BTG3: variants seen among roughly 807,000 people sequenced by gnomAD.
The protein encoded by BTG3 is protein BTG3.
A neutral mutation model predicts 25.8 loss-of-function variants in BTG3; 4 were observed. The observed-to-expected ratio is 0.16, with a 90% confidence interval of 0.08 to 0.36. The LOEUF is 0.36. Among genes scored for constraint, BTG3 ranks in the 10% least tolerant of loss-of-function variants. The pLI is 1.00. For missense variants in BTG3, 201 were observed against 304.9 expected, an observed-to-expected ratio of 0.66 and a Z score of 2.54; for synonymous variants, 107 against 99.9, an observed-to-expected ratio of 1.07 and a Z score of -0.42.
Position 17,594,326 on chromosome 21 carries a change from C to T in BTG3, c.526G>A (p.Glu176Lys). 3 of 1,612,594 alleles carry T rather than the reference C, an allele frequency of 1.9e-6. No homozygotes were observed. Among genetic ancestry groups the T allele is most frequent in the Non-Finnish European group, 1.7e-6 (2 of 1,179,096 alleles). The change falls in exon 5 of 5, where the codon GAA becomes AAA. Residue 176 changes from glutamate to lysine, a missense_variant. Around this residue, in one of 2 missense-constraint regions of BTG3, gnomAD observed 131 missense variants for 129.3 expected, o/e 1.01. Coordinates refer to ENST00000348354, the MANE Select transcript of BTG3 (RefSeq NM_006806.5). The stretch of plus-strand genomic sequence containing the variant: ...ATTGGAAGAGGTGGAAATATAAGTT[C>T]TGAAATCTGTAGGGAAGAGAACACA... ...AAASPVYQIS[E>K]LIFPPLPMWH...
rs558546449 is a variant in BTG3 at position 17,605,543 on chromosome 21, T to C, written c.174-546A>G. On this transcript the variant is annotated intron_variant, in intron 2 of 4. Coordinates refer to ENST00000348354, the MANE Select transcript of BTG3 (RefSeq NM_006806.5). Reference sequence around the variant, plus strand: ...AGGACACAGATTCATTCATATCATATACTTATGATTAAAATACCTAACTAA... The same window carrying C: ...AGGACACAGATTCATTCATATCATACACTTATGATTAAAATACCTAACTAA... Among the ~76,000 whole-genome samples, 13 of 152,320 alleles carry C rather than the reference T, an allele frequency of 8.5e-5. No homozygotes were observed. In the South Asian group the frequency reaches 2.7e-3, roughly 32 times the overall value.
rs2061683192 is a variant in BTG3 at position 17,608,964 on chromosome 21, T to C, written c.173+8A>G. ...TCAGCCTCTGCTTAATCCAATCTAA[T>C]CCTTTACCTGTAGGCCTGTCCTTTC... On this transcript the variant is annotated splice_region_variant and intron_variant, in intron 2 of 4. Coordinates refer to ENST00000348354, the MANE Select transcript of BTG3 (RefSeq NM_006806.5). 1.2e-6 allele frequency: 2 copies of C among 1,610,472 alleles called. No homozygotes were observed. The highest frequency in any genetic ancestry group is 2.7e-5 in the African/African-American group (2 of 74,532).
rs1415799071 is a variant in BTG3, at chr21:17,593,737, TATAA to T, written c.*352_*355del. ...ACGACATAAAATAGATTTCCTTGTATATAAATAACTTACATACGCTCCATAAAGT... is the reference window on the plus strand; with the variant it reads ...ACGACATAAAATAGATTTCCTTGTATATAACTTACATACGCTCCATAAAGT... On this transcript the variant is annotated 3_prime_UTR_variant, in exon 5 of 5. Coordinates refer to ENST00000348354, the MANE Select transcript of BTG3 (RefSeq NM_006806.5). The T allele has an allele frequency of 1.7e-5, 3 of 181,390 alleles. No homozygotes were observed. Among genetic ancestry groups the T allele is most frequent in the Non-Finnish European group, 3.4e-5 (3 of 88,000 alleles). The allele number at this position is 181,390 out of a possible 1,614,324, so 11.2% of individuals were successfully genotyped here.
Position 17,594,029 on chromosome 21 carries a change from T to TA in BTG3, c.*63dup. 2.0e-6 allele frequency: 3 copies of TA among 1,536,606 alleles called. No homozygotes were observed. The East Asian group carries it at 6.8e-5, about 35-fold the overall frequency. The stretch of plus-strand genomic sequence containing the variant: ...ACTATTAGTAAGAACTTTTAACTTT[T>TA]AATGTGTAGTAAGGTTTATTCTACC... On this transcript the variant is annotated 3_prime_UTR_variant, in exon 5 of 5. Transcript: ENST00000348354.
chr21:17,600,134 G>A (rs913853097), intron 3 of BTG3, among the ~76,000 whole-genome samples: 2 of 151,640 alleles, frequency 1.3e-5, no homozygotes, highest in Admixed American at 6.6e-5. Context: ...ATATGCTGCT[G>A]GTTACTTAAA....
intron 4 of BTG3, among the ~76,000 whole-genome samples, chr21:17,598,285 A>G (rs905994193): frequency 6.6e-6 from 1 of 152,230 alleles, no homozygotes; most frequent in Admixed American, 6.5e-5. Flanking sequence ...GGTACAAAAC[A>G]AAGTGTTACA....
chr21:17,593,785 G>A lies in BTG3; in HGVS notation c.*308C>T. On this transcript the variant is annotated 3_prime_UTR_variant, in exon 5 of 5. Transcript: ENST00000348354. ...ATAAAGTAAATTCTCAAAGGTGCTA[G>A]AACAAATCGTCCACTTCTACAGTGT... The A allele has an allele frequency of 3.9e-6, 1 of 256,566 alleles. No homozygotes were observed. Among genetic ancestry groups the A allele is most frequent in the Non-Finnish European group, 7.3e-6 (1 of 137,014 alleles). The allele number at this position is 256,566 out of a possible 1,614,324, so 15.9% of individuals were successfully genotyped here. A position where few individuals can be genotyped will look rare whatever the true frequency, so the allele number is the denominator to read the frequency against.
intron 1 of BTG3, chr21:17,612,469 G>T (rs1203701529): frequency 1.3e-5 from 2 of 151,486 alleles, no homozygotes; most frequent in African/African-American, 4.9e-5. Context: ...TTCCTCAGGC[G>T]CCCGCCGAGG....
At chr21:17,605,165 G>A in intron 2 of BTG3, 168 bp from the exon 3 acceptor site, 2 of 717,660 alleles carry the variant, frequency 2.8e-6, no homozygotes, top group Non-Finnish European at 4.2e-6. Flanking sequence ...GTGAACTACA[G>A]GCACAGAGGC....
At chr21:17,599,282 C>T (rs1034290395) in intron 3 of BTG3, among the ~76,000 whole-genome samples, 1 of 150,260 alleles carries the variant, frequency 6.7e-6, no homozygotes, top group Non-Finnish European at 1.5e-5. Context: ...CTCAGGTGAT[C>T]GATCCTCCAA....
At chr21:17,596,308 A>AT (rs1025576487) in intron 4 of BTG3, among the ~76,000 whole-genome samples, 1 of 151,928 alleles carries the variant, frequency 6.6e-6, no homozygotes, top group Admixed American at 6.6e-5. Context: ...CAGTTTGTCA[A>AT]TTTTTTTCCC....
chr21:17,595,390 CTT>C (rs994762989), intron 4 of BTG3, among the ~76,000 whole-genome samples: 2 of 152,068 alleles, frequency 1.3e-5, no homozygotes, highest in South Asian at 4.1e-4. Context: ...GAAAGTCCCT[CTT>C]TTTTTATCTC....
chr21:17,593,997 C>T lies in BTG3; in HGVS notation c.*96G>A. 8.4e-6 allele frequency: 12 copies of T among 1,428,346 alleles called. No individual in the cohort carries two copies. The highest frequency in any genetic ancestry group is 1.0e-5 in the Non-Finnish European group (11 of 1,068,788). 88.5% of individuals were successfully genotyped at this position (1,428,346 alleles called of 1,614,324 possible). The stretch of plus-strand genomic sequence containing the variant: ...AAGTTTGATGGTTTGGCCCATCTAA[C>T]TTCACTACTATTAGTAAGAACTTTT... On this transcript the variant is annotated 3_prime_UTR_variant, in exon 5 of 5. Coordinates refer to ENST00000348354, the MANE Select transcript of BTG3 (RefSeq NM_006806.5).
intron 2 of BTG3, chr21:17,608,715 G>A (rs2061679493): frequency 2.7e-6 from 1 of 371,642 alleles, no homozygotes; most frequent in African/African-American, 2.1e-5. Flanking sequence ...ACTGTTAGGA[G>A]CCAGGCTATA....
chr21:17,602,953 T>C (rs544932184), intron 3 of BTG3, among the ~76,000 whole-genome samples: 87 of 152,358 alleles, frequency 5.7e-4, no homozygotes, highest in African/African-American at 1.9e-3. Context: ...AACTATTTGA[T>C]TGTGTGATAA....
At chr21:17,606,484 A>G (rs2061644471) in intron 2 of BTG3, among the ~76,000 whole-genome samples, 1 of 152,174 alleles carries the variant, frequency 6.6e-6, no homozygotes, top group Admixed American at 6.5e-5. Context: ...CTAATATTGT[A>G]TAGGGTAATT....
chr21:17,596,702 G>C (rs2061508428), intron 4 of BTG3, among the ~76,000 whole-genome samples: 1 of 151,954 alleles, frequency 6.6e-6, no homozygotes, highest in Admixed American at 6.6e-5. Flanking sequence ...TAATAGCTTT[G>C]AATTAGTGTG....
chr21:17,604,284 T>C, intron 3 of BTG3: 1 of 261,252 alleles, frequency 3.8e-6, no homozygotes. Context: ...CTACTACAAA[T>C]ATAAAAAAAA....
intron 4 of BTG3, among the ~76,000 whole-genome samples, chr21:17,597,830 A>G (rs1362721458): frequency 6.6e-6 from 1 of 152,170 alleles, no homozygotes; most frequent in East Asian, 1.9e-4. Flanking sequence ...AAAAGCTCCA[A>G]TATTCTGCTT....
Sources: gnomAD v4.1 joint callset for allele counts (sites outside exome capture counted in the v4.1 genomes callset) on GRCh38, gnomAD v4.1.1 for gene constraint, gnomAD v4.1.1 regional missense constraint, MANE v1.5 for transcripts, NCBI Gene and HGNC (gene_info 2026-07-23, HGNC 2026-07-21) for gene names.